The following RORA variants were observed in gnomAD, a reference collection of about 807,000 sequenced individuals.
The protein encoded by RORA is nuclear receptor ROR-alpha.
RORA carries 7 observed loss-of-function variants against 69.5 expected under a neutral mutation model. The observed-to-expected ratio is 0.10, with a 90% CI of 0.06 to 0.19. The LOEUF is 0.19. RORA is among the 10% of genes least tolerant of loss of function. The pLI is 1.00. For synonymous variants in RORA, 261 were observed against 240.8 expected, an observed-to-expected ratio of 1.08 and a Z score of -0.78; for missense variants, 457 against 663.0, an observed-to-expected ratio of 0.69 and a Z score of 3.41.
At chr15:60,891,257 A>G (rs1288659521) in intron 1 of RORA, among the ~76,000 whole-genome samples, 3 of 152,228 alleles carry the variant, frequency 2.0e-5, no homozygotes, top group Non-Finnish European at 4.4e-5. Context: ...CCCTTGATGT[A>G]AACTTCAGAT....
chr15:60,834,966 A>G (rs570929383), intron 1 of RORA, among the ~76,000 whole-genome samples: 1 of 152,036 alleles, frequency 6.6e-6, no homozygotes, highest in African/African-American at 2.4e-5. Flanking sequence ...GCTCGGCATC[A>G]CTGAATTATA....
chr15:60,967,862 G>C (rs556022558), intron 1 of RORA, among the ~76,000 whole-genome samples: 1 of 152,318 alleles, frequency 6.6e-6, no homozygotes, highest in South Asian at 2.1e-4. Flanking sequence ...ACTGGTTCCA[G>C]AAAGGCGGGG....
At chr15:60,747,618 G>A (rs2140856663) in intron 1 of RORA, among the ~76,000 whole-genome samples, 1 of 152,260 alleles carries the variant, frequency 6.6e-6, no homozygotes, top group African/African-American at 2.4e-5. Flanking sequence ...CAGAATAGGT[G>A]AGGCTTTCCC....
chr15:61,061,353 A>AT lies in RORA; in HGVS notation c.166+167699_166+167700insA, dbSNP rs1311277935. Among the ~76,000 whole-genome samples, 4 of 134,666 alleles carry AT rather than the reference A, an allele frequency of 3.0e-5. No homozygotes were observed. Among genetic ancestry groups the AT allele is most frequent in the African/African-American group, 9.0e-5 (3 of 33,380 alleles). The allele number at this position is 134,666 out of a possible 152,430, so 88.3% of individuals were successfully genotyped here. ...GGAGACAGAGCGAGGCTCTATCTTA[A>AT]AAAATAAATAAATAAATAAATAAAT... On this transcript the variant is annotated intron_variant, in intron 1 of 10. Transcript: ENST00000335670. This position sits in a 1 kb window ranked among gnomAD's most constrained non-coding sequence, Gnocchi z 4.4.
intron 2 of RORA, among the ~76,000 whole-genome samples, chr15:60,545,689 GTC>G (rs2067047760): frequency 6.6e-6 from 1 of 152,158 alleles, no homozygotes. Context: ...AATTAGCGTG[GTC>G]CATTTTAAAG....
At chr15:61,063,955 AC>A (rs1272712150) in intron 1 of RORA, among the ~76,000 whole-genome samples, 8 of 152,196 alleles carry the variant, frequency 5.3e-5, no homozygotes, top group African/African-American at 1.9e-4. Context: ...TGGTGTGGGC[AC>A]GTCAGATCAC....
intron 1 of RORA, among the ~76,000 whole-genome samples, chr15:61,022,217 T>C (rs1490625646): frequency 1.3e-5 from 2 of 152,170 alleles, no homozygotes; most frequent in African/African-American, 4.8e-5. Context: ...GATAACAAAA[T>C]AAATTTCCCT....
intron 1 of RORA, among the ~76,000 whole-genome samples, chr15:60,861,012 T>C (rs150333803): frequency 6.6e-6 from 1 of 152,338 alleles, no homozygotes; most frequent in Non-Finnish European, 1.5e-5. Context: ...AGTCCATTAA[T>C]AATGATGTGC....
intron 1 of RORA, among the ~76,000 whole-genome samples, chr15:61,067,049 C>G (rs1296546629): frequency 1.3e-5 from 2 of 151,944 alleles, no homozygotes; most frequent in Admixed American, 1.3e-4. Flanking sequence ...AGTGCTCTAG[C>G]TCTCCCAAGT....
intron 2 of RORA, among the ~76,000 whole-genome samples, chr15:60,583,947 GCCTCC>G (rs918044892): frequency 7.2e-5 from 11 of 152,282 alleles, no homozygotes; most frequent in Middle Eastern, 3.4e-3. Context: ...AGATTCCTTG[GCCTCC>G]CCTCCTAGGC....
Position 61,147,866 on chromosome 15 carries a change from G to A in RORA, c.166+81187C>T, listed in dbSNP as rs1416599163. On this transcript the variant is annotated intron_variant, in intron 1 of 10. Coordinates refer to ENST00000335670, the MANE Select transcript of RORA (RefSeq NM_134261.3). This position sits in a 1 kb window ranked among gnomAD's most constrained non-coding sequence, Gnocchi z 4.1. ...ACCTGTTCACTGTGTATCATGCAGA[G>A]GAAACAGGCAGAAACTTGGCAGGGC... 6.6e-6 allele frequency among the ~76,000 whole-genome samples: 1 copy of A among 152,020 alleles called. No homozygotes were observed. The highest frequency in any genetic ancestry group is 1.9e-4 in the East Asian group (1 of 5,182).
intron 1 of RORA, among the ~76,000 whole-genome samples, chr15:61,214,702 A>ACATC (rs1567040724): frequency 6.6e-6 from 1 of 152,052 alleles, no homozygotes; most frequent in Non-Finnish European, 1.5e-5. Context: ...TCCAGACTGG[A>ACATC]GATGGACCAG....
intron 3 of RORA, among the ~76,000 whole-genome samples, chr15:60,516,200 T>A (rs1314301537): frequency 6.5e-5 from 2 of 30,906 alleles, no homozygotes; most frequent in African/African-American, 2.6e-4. Context: ...TATATATTTA[T>A]ATATATATTT....
chr15:61,001,330 G>A (rs989513723), intron 1 of RORA, among the ~76,000 whole-genome samples: 1 of 152,214 alleles, frequency 6.6e-6, no homozygotes, highest in South Asian at 2.1e-4. Context: ...ATTCCCATTG[G>A]AACTATCAAC....
intron 1 of RORA, among the ~76,000 whole-genome samples, chr15:61,185,856 C>G (rs1461317263): frequency 6.6e-6 from 1 of 152,184 alleles, no homozygotes; most frequent in African/African-American, 2.4e-5. Flanking sequence ...TCTTATCACA[C>G]AGGCACCATG....
intron 1 of RORA, among the ~76,000 whole-genome samples, chr15:61,048,816 A>G (rs530187048): frequency 2.0e-5 from 3 of 152,126 alleles, no homozygotes; most frequent in African/African-American, 7.2e-5. Flanking sequence ...AGTGCCGGCC[A>G]TTTCCTGGAG....
intron 1 of RORA, among the ~76,000 whole-genome samples, chr15:60,991,112 C>T (rs1894362368): frequency 1.3e-5 from 2 of 152,178 alleles, no homozygotes; most frequent in African/African-American, 2.4e-5. Context: ...AAAACCCAGT[C>T]CCTGTTGAGA....
chr15:60,826,000 A>T (rs964881695), intron 1 of RORA, among the ~76,000 whole-genome samples: 2 of 152,194 alleles, frequency 1.3e-5, no homozygotes, highest in African/African-American at 2.4e-5. Flanking sequence ...TTCTATGAAA[A>T]GGCAGGTAAC....
intron 2 of RORA, chr15:60,556,740 T>A: frequency 1.3e-6 from 1 of 780,468 alleles, no homozygotes; most frequent in South Asian, 1.7e-5. Context: ...CCCTTTCTCT[T>A]CATCATTTTC....
Sources: gnomAD v4.1 joint callset for allele counts (sites outside exome capture counted in the v4.1 genomes callset) on GRCh38, gnomAD v4.1.1 for gene constraint, Gnocchi (gnomAD v3.1) non-coding constraint, MANE v1.5 for transcripts, NCBI Gene and HGNC (gene_info 2026-07-23, HGNC 2026-07-21) for gene names.